Variants in OSBPL10 observed in about 807,000 individuals in gnomAD.
OSBPL10 encodes oxysterol binding protein like 10, also known as oxysterol-binding protein-related protein 10.
Under a neutral mutation model 81.7 loss-of-function variants are expected in OSBPL10, and 49 were observed. The observed-to-expected ratio is 0.60, with a 90% confidence interval of 0.48 to 0.76. The LOEUF (loss-of-function observed/expected upper bound fraction) is 0.76. OSBPL10 is among the 30% of genes least tolerant of loss of function. The pLI is 0.00. For synonymous variants in OSBPL10, 419 were observed against 383.6 expected (o/e 1.09, Z -1.08); for missense variants, 923 against 987.8 (o/e 0.93, Z 0.88).
At chr3:31,778,168 T>G (rs1018180694) in intron 4 of OSBPL10, among the ~76,000 whole-genome samples, 4 of 152,190 alleles carry the variant, frequency 2.6e-5, no homozygotes, top group African/African-American at 9.7e-5. Context: ...TCCTGCTGCC[T>G]GGAGATAAAC....
chr3:31,881,855 G>A (rs920661125), intron 1 of OSBPL10, among the ~76,000 whole-genome samples: 2 of 152,182 alleles, frequency 1.3e-5, no homozygotes, highest in Admixed American at 1.3e-4. Flanking sequence ...TAACCCAACA[G>A]AATAGATGTT....
chr3:31,809,926 C>G (rs1345025127), intron 4 of OSBPL10, among the ~76,000 whole-genome samples: 2 of 131,992 alleles, frequency 1.5e-5, no homozygotes, highest in Non-Finnish European at 3.0e-5. Context: ...GGCTGGAATG[C>G]AATGGAGTGA....
intron 1 of OSBPL10, among the ~76,000 whole-genome samples, chr3:32,059,693 G>C (rs1294263004): frequency 6.6e-6 from 1 of 152,058 alleles, no homozygotes. Flanking sequence ...CAAGGTAGGA[G>C]GATTTCTTGA....
Position 32,060,973 on chromosome 3 carries a change from C to CA in OSBPL10, n.186-14371dup, listed in dbSNP as rs766388241. Among the ~76,000 whole-genome samples, 926 of 21,566 alleles carry CA rather than the reference C, an allele frequency of 0.043. 145 individuals carry two copies. In the East Asian group the frequency reaches 0.49, roughly 11 times the overall value. 14.1% of individuals were successfully genotyped at this position (21,566 alleles called of 152,430 possible). The stretch of plus-strand genomic sequence containing the variant: ...GGGCAACAAGAGCAAAACTCCGCCT[C>CA]AAAAAAAAAAAAAAAACCCTCAGAG... On this transcript the variant is annotated intron_variant and non_coding_transcript_variant, in intron 1 of 3. Transcript: ENST00000479173.
At chr3:32,037,280 A>C (rs1033491390) in intron 2 of OSBPL10, among the ~76,000 whole-genome samples, 2 of 152,242 alleles carry the variant, frequency 1.3e-5, no homozygotes, top group African/African-American at 4.8e-5. Flanking sequence ...TCATTTGTTT[A>C]GGCATGTTCT....
chr3:31,892,158 A>AGAGGAGAGGAGAGAGTTCC (rs566480319), intron 1 of OSBPL10, among the ~76,000 whole-genome samples: 50 of 152,080 alleles, frequency 3.3e-4, no homozygotes, highest in South Asian at 6.2e-4. Context: ...GACTCGGGGA[A>AGAGGAGAGGAGAGAGTTCC]GAGGAGAGGA....
chr3:31,963,022 T>G (rs1013846090), intron 1 of OSBPL10, among the ~76,000 whole-genome samples: 3 of 152,182 alleles, frequency 2.0e-5, no homozygotes, highest in African/African-American at 4.8e-5. Flanking sequence ...AGGAGCCATG[T>G]GTTTCCTTGT....
intron 3 of OSBPL10, among the ~76,000 whole-genome samples, chr3:31,870,504 C>T (rs764523399): frequency 6.6e-6 from 1 of 152,258 alleles, no homozygotes; most frequent in Non-Finnish European, 1.5e-5. Context: ...AGTGCGAATG[C>T]ATGGCGCAGG....
At chr3:31,785,748 G>A (rs1023034666) in intron 4 of OSBPL10, among the ~76,000 whole-genome samples, 1 of 152,012 alleles carries the variant, frequency 6.6e-6, no homozygotes, top group Non-Finnish European at 1.5e-5. Context: ...TTATCCTCAG[G>A]TACTGCAAGT....
Position 31,690,910 on chromosome 3 carries a change from C to A in OSBPL10, c.1246-6796G>T, listed in dbSNP as rs548951378. On this transcript the variant is annotated intron_variant, in intron 7 of 11. Transcript: ENST00000396556. The stretch of plus-strand genomic sequence containing the variant: ...TCTTCCTCTCCTACAATCTCCTGGG[C>A]ACCCTCTCCTTTTTTTTTTTTGGTG... Among the ~76,000 whole-genome samples, 64 of 92,774 alleles carry A rather than the reference C, an allele frequency of 6.9e-4. 1 individual carries two copies. Among genetic ancestry groups the A allele is most frequent in the South Asian group, 5.7e-3 (13 of 2,288 alleles). 60.9% of individuals were successfully genotyped at this position (92,774 alleles called of 152,430 possible).
intron 1 of OSBPL10, among the ~76,000 whole-genome samples, chr3:31,971,337 G>A (rs1243428897): frequency 4.6e-5 from 7 of 151,848 alleles, no homozygotes; most frequent in South Asian, 2.1e-4. Context: ...ACAGGGTTTC[G>A]CCATGTTGGC....
chr3:31,693,089 A>G (rs1559418780), intron 7 of OSBPL10, among the ~76,000 whole-genome samples: 1 of 152,244 alleles, frequency 6.6e-6, no homozygotes, highest in Non-Finnish European at 1.5e-5. Context: ...GCTTGACAGT[A>G]TACTGAAAAC....
chr3:32,023,123 C>A (rs1359873923), intron 2 of OSBPL10, among the ~76,000 whole-genome samples: 2 of 152,150 alleles, frequency 1.3e-5, no homozygotes, highest in African/African-American at 4.8e-5. Flanking sequence ...TCAAGTTGTT[C>A]ATTTACTTTT....
chr3:31,920,784 T>G (rs1559518679), intron 1 of OSBPL10, among the ~76,000 whole-genome samples: 2 of 152,126 alleles, frequency 1.3e-5, no homozygotes, highest in Non-Finnish European at 2.9e-5. Context: ...CTCTATTTAT[T>G]AGTTCACACC....
intron 4 of OSBPL10, among the ~76,000 whole-genome samples, chr3:31,750,775 T>G (rs1697689449): frequency 6.6e-6 from 1 of 152,162 alleles, no homozygotes; most frequent in Admixed American, 6.5e-5. Context: ...AAGATTTTAT[T>G]CACCTTAAGA....
chr3:31,723,134 T>TA (rs1404952992), intron 6 of OSBPL10, among the ~76,000 whole-genome samples: 1 of 152,232 alleles, frequency 6.6e-6, no homozygotes, highest in African/African-American at 2.4e-5. Flanking sequence ...ATGGGACCAC[T>TA]ACAGCCAATA....
rs368825626 is a variant in OSBPL10, at chr3:31,668,652, T to A, written c.2086A>T (p.Met696Leu). The change falls in exon 10 of 12, where the codon ATG becomes TTG. Residue 696 changes from methionine to leucine, a missense_variant. Coordinates refer to ENST00000396556, the MANE Select transcript of OSBPL10 (RefSeq NM_017784.5). ...KIRPLEKQGP[M>L]ESRNLWREVT... ...CAGCCCGGTTCTCACCTGGACTCCA[T>A]GGGTCCCTGCTTCTCAAGAGGTCTG... The A allele has an allele frequency of 1.2e-6, 2 of 1,613,012 alleles. No homozygotes were observed. Among genetic ancestry groups the A allele is most frequent in the African/African-American group, 2.7e-5 (2 of 74,898 alleles).
chr3:31,758,303 C>G lies in OSBPL10; in HGVS notation c.730-10183G>C, dbSNP rs72859658. Among the ~76,000 whole-genome samples, 615 of 152,200 alleles carry G rather than the reference C, an allele frequency of 4.0e-3. 5 individuals carry two copies. Among genetic ancestry groups the G allele is most frequent in the African/African-American group, 0.014 (578 of 41,510 alleles). Reference sequence around the variant, plus strand: ...CTGTCTTTTGTTACAGAGGTCCATCCCAACTAAGAACTGAGAAATAAAAAT... The same window carrying G: ...CTGTCTTTTGTTACAGAGGTCCATCGCAACTAAGAACTGAGAAATAAAAAT... On this transcript the variant is annotated intron_variant, in intron 4 of 11. Transcript: ENST00000396556.
intron 8 of OSBPL10, among the ~76,000 whole-genome samples, chr3:31,679,412 T>TG (rs1164858699): frequency 6.6e-6 from 1 of 152,234 alleles, no homozygotes; most frequent in African/African-American, 2.4e-5. Context: ...CTGTGGCCTC[T>TG]GCTGCATCTC....
Sources: allele counts gnomAD v4.1 joint callset (sites outside exome capture counted in the v4.1 genomes callset), GRCh38; gene constraint gnomAD v4.1.1; transcripts MANE v1.5; gene names NCBI Gene and HGNC (gene_info 2026-07-23, HGNC 2026-07-21).